Variants in SLC49A4 observed in about 807,000 individuals in gnomAD.
SLC49A4 encodes the protein solute carrier family 49 member 4, also known as disrupted in renal cancer protein 2.
SLC49A4 carries 36 observed loss-of-function variants against 50.6 expected under a neutral mutation model. The observed-to-expected ratio is 0.71, with a 90% CI of 0.55 to 0.94. The LOEUF (loss-of-function observed/expected upper bound fraction) is 0.94. Ranked by LOEUF, SLC49A4 falls within the 40% of genes least tolerant of loss-of-function variation. The probability of loss-of-function intolerance (pLI) is 0.00; values close to 1 mark genes in which losing one functional copy is unlikely to be tolerated. For synonymous variants in SLC49A4, 248 were observed against 241.2 expected (o/e 1.03, Z -0.26); for missense variants, 503 against 605.7 (o/e 0.83, Z 1.78).
At chr3:122,849,123 G>T (rs1292850413) in intron 5 of SLC49A4, among the ~76,000 whole-genome samples, 2 of 152,124 alleles carry the variant, frequency 1.3e-5, no homozygotes, top group Non-Finnish European at 2.9e-5. Context: ...CCATGTTGCT[G>T]CAAATAACAG....
intron 8 of SLC49A4, 111 bp downstream of exon 8, chr3:122,872,708 A>G: frequency 1.4e-6 from 1 of 702,526 alleles, no homozygotes; most frequent in Non-Finnish European, 2.2e-6. Flanking sequence ...AAATTACTTT[A>G]TGTGAACTTC....
chr3:122,826,777 G>A (rs1469547709), intron 2 of SLC49A4, 23 bp from the exon 3 acceptor site: 3 of 1,608,592 alleles, frequency 1.9e-6, no homozygotes, highest in African/African-American at 1.3e-5. Context: ...ATACCTCACA[G>A]CCTTTTAATT....
intron 1 of SLC49A4, among the ~76,000 whole-genome samples, chr3:122,801,193 GAGA>G (rs1180417424): frequency 2.0e-5 from 3 of 152,360 alleles, no homozygotes; most frequent in South Asian, 2.1e-4. Flanking sequence ...TGAGGTGGTT[GAGA>G]AGAAGTAGCA....
chr3:122,845,611 T>G, intron 4 of SLC49A4, 152 bp from the exon 5 acceptor site: 1 of 361,246 alleles, frequency 2.8e-6, no homozygotes, highest in Non-Finnish European at 4.8e-6. Flanking sequence ...CAGCACGTTT[T>G]TTTTTTTTTT....
rs116043503 is a variant in SLC49A4, at chr3:122,831,200, G to A, written c.704-2117G>A. ...TGTGGGAATGTAAAATGGTGTAGCC[G>A]CATTGGAAACAGTTTCACAGTTCCT... On this transcript the variant is annotated intron_variant, in intron 3 of 8. Transcript: ENST00000261038. 4.6e-3 allele frequency among the ~76,000 whole-genome samples: 697 copies of A among 152,150 alleles called. 3 individuals are homozygous for A. Among genetic ancestry groups the A allele is most frequent in the Non-Finnish European group, 7.3e-3 (493 of 67,946 alleles).
At chr3:122,810,722 C>G (rs1007539182) in intron 2 of SLC49A4, among the ~76,000 whole-genome samples, 5 of 152,068 alleles carry the variant, frequency 3.3e-5, no homozygotes, top group Admixed American at 1.3e-4. Context: ...TAATGTTTAC[C>G]AACATGTATT....
chr3:122,843,217 ATT>A (rs752515434), intron 4 of SLC49A4, among the ~76,000 whole-genome samples: 1 of 151,196 alleles, frequency 6.6e-6, no homozygotes, highest in Admixed American at 6.6e-5. Context: ...TACATGGTTT[ATT>A]TTTTTTTAAC....
At chr3:122,807,057 A>C (rs1553760367) in intron 2 of SLC49A4, 107 bp downstream of exon 2, 8 of 607,658 alleles carry the variant, frequency 1.3e-5, no homozygotes, top group Non-Finnish European at 2.3e-5. Context: ...TTATTTTTTT[A>C]CTCTATATGA....
chr3:122,849,987 GAAAA>G (rs766418755), intron 5 of SLC49A4, among the ~76,000 whole-genome samples: 3 of 144,038 alleles, frequency 2.1e-5, no homozygotes, highest in Admixed American at 6.9e-5. Context: ...TTCCCTTTTA[GAAAA>G]AAAAAAAGTG....
In SLC49A4 at chr3:122,856,502, C is replaced by T. The variant is rs558551322; in HGVS notation, c.1010+128C>T. 1.3e-5 allele frequency: 11 copies of T among 855,156 alleles called. No individual in the cohort carries two copies. In the African/African-American group the frequency reaches 1.7e-4, roughly 13 times the overall value. The allele number at this position is 855,156 out of a possible 1,614,324, so 53.0% of individuals were successfully genotyped here. On this transcript the variant is annotated intron_variant, in intron 6 of 8. Transcript: ENST00000261038. ...AACAAGCAAAGGTCAGAAAGGGGTA[C>T]TTGTTCAGAGTACAAGAAAATTCAT...
rs1247352216 is a variant in SLC49A4, at chr3:122,837,913, T to G, written c.833+4467T>G. ...GTGGGCAAAGGATATGAACAGACACTTCTCAAAAGAAGACATTAATGCAGC... is the reference window on the plus strand; with the variant it reads ...GTGGGCAAAGGATATGAACAGACACGTCTCAAAAGAAGACATTAATGCAGC... On this transcript the variant is annotated intron_variant, in intron 4 of 8. Coordinates refer to ENST00000261038, the MANE Select transcript of SLC49A4 (RefSeq NM_032839.3). Among the ~76,000 whole-genome samples, 17 of 152,276 alleles carry G rather than the reference T, an allele frequency of 1.1e-4. No individual in the cohort carries two copies. In the South Asian group the frequency reaches 2.3e-3, roughly 20 times the overall value.
At chr3:122,808,982 G>A (rs1284087266) in intron 2 of SLC49A4, among the ~76,000 whole-genome samples, 1 of 152,146 alleles carries the variant, frequency 6.6e-6, no homozygotes, top group Non-Finnish European at 1.5e-5. Flanking sequence ...CAGACATGAG[G>A]GGAAGTGTGA....
chr3:122,856,235 G>T (rs1936987578), intron 5 of SLC49A4, 72 bp from the exon 6 acceptor site: 4 of 1,434,190 alleles, frequency 2.8e-6, no homozygotes, highest in Non-Finnish European at 3.9e-6. Context: ...GATTATAGAG[G>T]ACTTTTTTTC....
intron 5 of SLC49A4, 23 bp from the exon 6 acceptor site, chr3:122,856,284 T>C (rs752680839): frequency 1.2e-5 from 19 of 1,612,758 alleles, no homozygotes; most frequent in Non-Finnish European, 1.4e-5. Context: ...TTGTATTAAA[T>C]GTGTCTGCTT....
intron 7 of SLC49A4, among the ~76,000 whole-genome samples, chr3:122,863,664 T>C (rs1937082598): frequency 6.6e-6 from 1 of 152,238 alleles, no homozygotes; most frequent in African/African-American, 2.4e-5. Flanking sequence ...TCTGTAATGG[T>C]AAATTCATGT....
intron 4 of SLC49A4, among the ~76,000 whole-genome samples, chr3:122,835,304 G>A (rs772246329): frequency 3.0e-4 from 45 of 151,808 alleles, no homozygotes; most frequent in Non-Finnish European, 4.7e-4. Context: ...TACCAAAACC[G>A]GAAAAAGACA....
At chr3:122,798,278 T>G (rs1004911103) in intron 1 of SLC49A4, among the ~76,000 whole-genome samples, 1 of 152,118 alleles carries the variant, frequency 6.6e-6, no homozygotes, top group Non-Finnish European at 1.5e-5. Context: ...TTCCCCAAAT[T>G]TAGCCAACCT....
intron 8 of SLC49A4, among the ~76,000 whole-genome samples, chr3:122,876,993 A>G (rs1937275213): frequency 6.6e-6 from 1 of 152,206 alleles, no homozygotes; most frequent in South Asian, 2.1e-4. Flanking sequence ...ATCTAGTGAA[A>G]GGCAAAGGGA....
At chr3:122,807,769 G>A (rs990443103) in intron 2 of SLC49A4, among the ~76,000 whole-genome samples, 1 of 152,076 alleles carries the variant, frequency 6.6e-6, no homozygotes, top group South Asian at 2.1e-4. Context: ...ACAGATTAAG[G>A]TGTAAGAATG....
Sources: gnomAD v4.1 joint callset for allele counts (sites outside exome capture counted in the v4.1 genomes callset) on GRCh38, gnomAD v4.1.1 for gene constraint, MANE v1.5 for transcripts, NCBI Gene and HGNC (gene_info 2026-07-23, HGNC 2026-07-21) for gene names.